Variants in TNKS observed in about 807,000 individuals in gnomAD.
TNKS encodes the protein tankyrase.
TNKS carries 72 observed loss-of-function variants against 135.8 expected under a neutral mutation model. That is an observed-to-expected ratio of 0.53 (90% CI 0.44 to 0.64). The LOEUF (loss-of-function observed/expected upper bound fraction) is 0.64. TNKS is among the 30% of genes least tolerant of loss of function. TNKS has a pLI of 0.00. For synonymous variants in TNKS, 849 were observed against 649.3 expected (o/e 1.31, Z -4.68); for missense variants, 1,769 against 1,674.0 (o/e 1.06, Z -0.99).
At chr8:9,776,246 T>G (rs1216341984) in intron 26 of TNKS, among the ~76,000 whole-genome samples, 1 of 152,250 alleles carries the variant, frequency 6.6e-6, no homozygotes, top group East Asian at 1.9e-4. Context: ...CTTCTATGAT[T>G]AATTTGGACT....
chr8:9,761,634 A>C lies in TNKS; in HGVS notation c.3272A>C (p.Gln1091Pro). 1 of 1,587,826 alleles carries C rather than the reference A, an allele frequency of 6.3e-7. No homozygotes were observed. ...GTAGAAAGACTCTTAGGTGGACAAC[A>C]AGGTAAGCTATTCAGAAAAAAAAAA... The part of the protein sequence containing the change: ...KGVERLLGGQ[Q>P]GTNPYLTFHC... The change falls in exon 21 of 27, where the codon CAA becomes CCA. Residue 1091 changes from glutamine to proline, a missense_variant and splice_region_variant. By Grantham distance (76) the Gln-to-Pro change is moderately conservative (BLOSUM62 -1). Coordinates refer to ENST00000310430, the MANE Select transcript of TNKS (RefSeq NM_003747.3).
intron 5 of TNKS, among the ~76,000 whole-genome samples, chr8:9,690,275 A>C (rs1803203614): frequency 6.6e-6 from 1 of 152,102 alleles, no homozygotes; most frequent in African/African-American, 2.4e-5. Context: ...CCGCTGAAAA[A>C]TCCCCTTGAA....
At chr8:9,619,975 G>C (rs1317026344) in intron 3 of TNKS, among the ~76,000 whole-genome samples, 1 of 150,620 alleles carries the variant, frequency 6.6e-6, no homozygotes, top group Non-Finnish European at 1.5e-5. Flanking sequence ...TTTTGCGACG[G>C]AGTCTCACTC....
intron 3 of TNKS, among the ~76,000 whole-genome samples, chr8:9,657,327 G>GC (rs1300176504): frequency 1.2e-5 from 1 of 82,316 alleles, no homozygotes; most frequent in African/African-American, 4.5e-5. Context: ...TCCCAGACGG[G>GC]GCGGCTGGCC....
chr8:9,630,962 A>G (rs1220663940), intron 3 of TNKS, among the ~76,000 whole-genome samples: 2 of 152,206 alleles, frequency 1.3e-5, no homozygotes, highest in Non-Finnish European at 2.9e-5. Context: ...TCCTTGACGA[A>G]GCAGTACATA....
intron 3 of TNKS, among the ~76,000 whole-genome samples, chr8:9,674,780 A>T (rs1802466797): frequency 6.6e-6 from 1 of 152,220 alleles, no homozygotes; most frequent in Non-Finnish European, 1.5e-5. Context: ...AGACAAGGAA[A>T]GGGTCTCTAC....
At chr8:9,748,318 A>G (rs1806343282) in intron 18 of TNKS, 106 bp downstream of exon 18, 8 of 1,034,206 alleles carry the variant, frequency 7.7e-6, no homozygotes, top group Middle Eastern at 3.2e-4. Flanking sequence ...TTTCACTTAG[A>G]ACAGAGATCT....
At chr8:9,743,114 T>G (rs1419288068) in intron 17 of TNKS, among the ~76,000 whole-genome samples, 1 of 152,226 alleles carries the variant, frequency 6.6e-6, no homozygotes, top group African/African-American at 2.4e-5. Context: ...ATGCTTGAAC[T>G]AGCCTGGCCA....
intron 25 of TNKS, among the ~76,000 whole-genome samples, chr8:9,768,925 C>T (rs112929213): frequency 0.012 from 1,789 of 152,270 alleles, 35 homozygotes; most frequent in African/African-American, 0.041. Context: ...TTTTAGTTGA[C>T]TCAAGATAAA....
chr8:9,578,635 A>C (rs1798048218), intron 1 of TNKS, among the ~76,000 whole-genome samples: 1 of 152,144 alleles, frequency 6.6e-6, no homozygotes, highest in Non-Finnish European at 1.5e-5. Flanking sequence ...TCTTGAGATA[A>C]ATTTCTTTTT....
At chr8:9,755,239 T>C (rs1806773058) in intron 20 of TNKS, among the ~76,000 whole-genome samples, 1 of 152,212 alleles carries the variant, frequency 6.6e-6, no homozygotes, top group African/African-American at 2.4e-5. Flanking sequence ...ATTTGAATAG[T>C]TTAATAGTTT....
At chr8:9,639,647 TTA>T (rs1800650180) in intron 3 of TNKS, among the ~76,000 whole-genome samples, 1 of 152,138 alleles carries the variant, frequency 6.6e-6, no homozygotes, top group Non-Finnish European at 1.5e-5. Context: ...ACTTTTGTAT[TTA>T]TCCCTGACTT....
intron 2 of TNKS, among the ~76,000 whole-genome samples, chr8:9,586,915 T>TC (rs1156696565): frequency 2.6e-5 from 4 of 151,680 alleles, no homozygotes; most frequent in Non-Finnish European, 2.9e-5. Flanking sequence ...GAAACAGGAG[T>TC]CGGCGTACCT....
intron 3 of TNKS, among the ~76,000 whole-genome samples, chr8:9,642,856 CATA>C (rs1412015843): frequency 2.1e-5 from 3 of 145,896 alleles, no homozygotes; most frequent in East Asian, 2.1e-4. Flanking sequence ...GAACTAATAT[CATA>C]ATAACAGCTT....
chr8:9,762,970 T>A (rs1319993570), intron 21 of TNKS, among the ~76,000 whole-genome samples, 177 bp from the exon 22 acceptor site: 1 of 151,696 alleles, frequency 6.6e-6, no homozygotes, highest in African/African-American at 2.4e-5. Context: ...CTCCTGTCTG[T>A]CTTTGAGTAT....
intron 12 of TNKS, among the ~76,000 whole-genome samples, chr8:9,723,897 A>C (rs990841568): frequency 7.2e-5 from 11 of 152,206 alleles, no homozygotes; most frequent in African/African-American, 2.7e-4. Context: ...TTTCATCTAC[A>C]CAGGTAAAGA....
intron 11 of TNKS, chr8:9,710,534 C>T (rs10099135): frequency 0.99 from 473,794 of 479,852 alleles, 234,101 homozygotes; most frequent in East Asian, 1. Flanking sequence ...ATAGTGTCCA[C>T]TTGAATAACA....
At chr8:9,655,740 T>A (rs549727388) in intron 3 of TNKS, among the ~76,000 whole-genome samples, 122 of 152,276 alleles carry the variant, frequency 8.0e-4, no homozygotes, top group African/African-American at 2.8e-3. Context: ...AAAACCCATC[T>A]GTACGTCACC....
chr8:9,662,772 G>A (rs1047022711), intron 3 of TNKS, among the ~76,000 whole-genome samples: 1 of 152,210 alleles, frequency 6.6e-6, no homozygotes, highest in African/African-American at 2.4e-5. Context: ...AAAAAAGTAT[G>A]TACTTTTCAT....
Sources: allele counts gnomAD v4.1 joint callset (sites outside exome capture counted in the v4.1 genomes callset), GRCh38; gene constraint gnomAD v4.1.1; transcripts MANE v1.5; gene names NCBI Gene and HGNC (gene_info 2026-07-23, HGNC 2026-07-21).